KREMEN1: variants seen among roughly 807,000 people sequenced by gnomAD.
KREMEN1 encodes the protein kremen protein 1.
In KREMEN1, 30 loss-of-function variants were observed where a neutral mutation model predicts 46.5. The observed-to-expected ratio is 0.65, with a 90% confidence interval of 0.48 to 0.88. KREMEN1 has a LOEUF of 0.88. Ranked by LOEUF, KREMEN1 falls within the 40% of genes least tolerant of loss-of-function variation. The pLI, the probability that KREMEN1 is intolerant of heterozygous loss-of-function variation, is 0.00. For synonymous variants in KREMEN1, 214 were observed against 230.6 expected (o/e 0.93, Z 0.65); for missense variants, 533 against 596.9 (o/e 0.89, Z 1.11).
chr22:29,151,958 C>T (rs1474252754), intron 9 of KREMEN1, among the ~76,000 whole-genome samples: 2 of 149,028 alleles, frequency 1.3e-5, no homozygotes, highest in African/African-American at 4.9e-5. Context: ...TGCCGTGAGC[C>T]GAGATTGTGC....
intron 9 of KREMEN1, among the ~76,000 whole-genome samples, chr22:29,164,991 G>A (rs1442365825): frequency 6.6e-6 from 1 of 151,808 alleles, no homozygotes; most frequent in Non-Finnish European, 1.5e-5. Context: ...TGGCCAATAT[G>A]GTGAAACCCC....
At chr22:29,089,633 TC>T (rs1464471037) in intron 1 of KREMEN1, among the ~76,000 whole-genome samples, 4 of 152,128 alleles carry the variant, frequency 2.6e-5, no homozygotes, top group Admixed American at 2.6e-4. Context: ...ATTATGTCAT[TC>T]CCCTGCTCTA....
At chr22:29,109,224 A>C (rs200278766) in intron 3 of KREMEN1, among the ~76,000 whole-genome samples, 1 of 152,340 alleles carries the variant, frequency 6.6e-6, no homozygotes, top group East Asian at 1.9e-4. Context: ...TCACAGATAC[A>C]AATGTTCTAA....
At chr22:29,088,926 C>T (rs769796950) in intron 1 of KREMEN1, among the ~76,000 whole-genome samples, 12 of 152,232 alleles carry the variant, frequency 7.9e-5, no homozygotes, top group Non-Finnish European at 1.5e-4. Context: ...CCATACTCTA[C>T]CACATTGTTG....
rs557714232 is a variant in KREMEN1 at position 29,145,662 on chromosome 22, C to A, written c.*3550C>A. On this transcript the variant is annotated 3_prime_UTR_variant, in exon 9 of 9. Transcript: ENST00000400335. ...TCTTCCCCGTTTGTCCAGTTGCTTG[C>A]AAAGCAGAGAATGAGTAGGAGTGAA... 1 of 985,536 alleles carries A rather than the reference C, an allele frequency of 1.0e-6. No homozygotes were observed. Among genetic ancestry groups the A allele is most frequent in the Admixed American group, 6.1e-5 (1 of 16,294 alleles). The allele number at this position is 985,536 out of a possible 1,614,324, so 61.0% of individuals were successfully genotyped here. A position where few individuals can be genotyped will look rare whatever the true frequency, so the allele number is the denominator to read the frequency against.
chr22:29,161,455 T>C (rs550327844), intron 9 of KREMEN1, among the ~76,000 whole-genome samples: 12 of 130,486 alleles, frequency 9.2e-5, no homozygotes, highest in African/African-American at 2.7e-4. Flanking sequence ...TGCAGTGAGC[T>C]GAGATTGCGC....
chr22:29,106,558 A>G (rs2038063580), intron 3 of KREMEN1, among the ~76,000 whole-genome samples: 1 of 152,110 alleles, frequency 6.6e-6, no homozygotes. Context: ...TCCCGCCTCC[A>G]TTTCTCAGAT....
At chr22:29,106,572 A>G (rs2038063753) in intron 3 of KREMEN1, among the ~76,000 whole-genome samples, 1 of 152,128 alleles carries the variant, frequency 6.6e-6, no homozygotes, top group Non-Finnish European at 1.5e-5. Context: ...CTCAGATAAG[A>G]AAATTGAGCC....
intron 1 of KREMEN1, among the ~76,000 whole-genome samples, chr22:29,090,255 C>T (rs942121045): frequency 3.3e-5 from 5 of 152,138 alleles, no homozygotes; most frequent in African/African-American, 4.8e-5. Flanking sequence ...TGGTTTAAGC[C>T]GCTCCTTGCT....
In KREMEN1 at chr22:29,131,523, CATATATAT is replaced by C. The variant is rs148738725; in HGVS notation, c.632-5788_632-5781del. On this transcript the variant is annotated intron_variant, in intron 5 of 8. Coordinates refer to ENST00000400335, the MANE Select transcript of KREMEN1 (RefSeq NM_001039570.3). ...AGCAACAACTGATCTGTATTCTGTT[CATATATAT>C]ATATATATATATATATATATATATA... Among the ~76,000 whole-genome samples the C allele has an allele frequency of 2.7e-3, 253 of 93,732 alleles. 7 individuals are homozygous for C. Among genetic ancestry groups the C allele is most frequent in the South Asian group, 0.017 (51 of 2,964 alleles). The allele number at this position is 93,732 out of a possible 152,430, so 61.5% of individuals were successfully genotyped here.
At chr22:29,163,124 CG>C (rs2039025646) in intron 9 of KREMEN1, among the ~76,000 whole-genome samples, 4 of 151,906 alleles carry the variant, frequency 2.6e-5, no homozygotes, top group African/African-American at 9.7e-5. Flanking sequence ...GAAGGATTAC[CG>C]GGGCAATTCC....
intron 5 of KREMEN1, among the ~76,000 whole-genome samples, chr22:29,128,956 A>G (rs1471421588): frequency 6.6e-6 from 1 of 152,228 alleles, no homozygotes; most frequent in Non-Finnish European, 1.5e-5. Flanking sequence ...AAGTATGCCC[A>G]GTTCTGATTA....
At chr22:29,121,555 A>G in intron 4 of KREMEN1, 74 bp downstream of exon 4, 3 of 1,521,502 alleles carry the variant, frequency 2.0e-6, no homozygotes, top group East Asian at 2.3e-5. Flanking sequence ...TAACTTAAAA[A>G]TAAGTGCTAA....
chr22:29,122,377 A>C (rs1037342615), intron 4 of KREMEN1, among the ~76,000 whole-genome samples: 4 of 152,234 alleles, frequency 2.6e-5, no homozygotes, highest in Non-Finnish European at 5.9e-5. Flanking sequence ...AAAATGCTAC[A>C]GCTTCTTTGA....
At chr22:29,078,144 A>G (rs959689740) in intron 1 of KREMEN1, among the ~76,000 whole-genome samples, 6 of 152,124 alleles carry the variant, frequency 3.9e-5, no homozygotes, top group African/African-American at 1.4e-4. Flanking sequence ...GTGTAGTCCT[A>G]GCTACTCAAG....
chr22:29,125,342 C>T lies in KREMEN1; in HGVS notation c.557C>T (p.Thr186Ile). 1 of 1,614,148 alleles carries T rather than the reference C, an allele frequency of 6.2e-7. No homozygotes were observed. The highest frequency in any genetic ancestry group is 8.5e-7 in the Non-Finnish European group (1 of 1,180,022). Reference protein sequence around the residue: ...DYWKYGEAASTECNSVCFGDH... With the variant: ...DYWKYGEAASIECNSVCFGDH... ...TGGAAGTACGGGGAGGCAGCCAGTACCGAATGCAACAGCGTCTGCTTCGGG... is the reference window on the plus strand; with the variant it reads ...TGGAAGTACGGGGAGGCAGCCAGTATCGAATGCAACAGCGTCTGCTTCGGG... Residue 186 changes from threonine (T) to isoleucine (I), a missense_variant, in exon 5 of 9, where the codon ACC becomes ATC. Coordinates refer to ENST00000400335, the MANE Select transcript of KREMEN1 (RefSeq NM_001039570.3).
intron 6 of KREMEN1, 107 bp from the exon 7 acceptor site, chr22:29,138,517 G>A: frequency 1.7e-6 from 2 of 1,179,708 alleles, no homozygotes; most frequent in Admixed American, 1.7e-5. Context: ...ATTGCACCCA[G>A]AATTGAATCA....
intron 9 of KREMEN1, among the ~76,000 whole-genome samples, chr22:29,159,330 A>C (rs892152943): frequency 2.0e-5 from 3 of 152,064 alleles, no homozygotes; most frequent in Non-Finnish European, 4.4e-5. Flanking sequence ...AAAACAAAAC[A>C]AAACCAAAGG....
Position 29,142,787 on chromosome 22 carries a change from T to G in KREMEN1, c.*675T>G. 1.0e-6 allele frequency: 1 copy of G among 985,468 alleles called. No individual in the cohort carries two copies. Among genetic ancestry groups the G allele is most frequent in the South Asian group, 4.7e-5 (1 of 21,290 alleles). The allele number at this position is 985,468 out of a possible 1,614,324, so 61.0% of individuals were successfully genotyped here. A position where few individuals can be genotyped will look rare whatever the true frequency, so the allele number is the denominator to read the frequency against. ...CAAACCTGATACCTTACACATGGGC[T>G]TCTTTCTAGATTCTTCTTTCCATAG... On this transcript the variant is annotated 3_prime_UTR_variant, in exon 9 of 9. Coordinates refer to ENST00000400335, the MANE Select transcript of KREMEN1 (RefSeq NM_001039570.3).
Sources: gnomAD v4.1 joint callset for allele counts (sites outside exome capture counted in the v4.1 genomes callset) on GRCh38, gnomAD v4.1.1 for gene constraint, MANE v1.5 for transcripts, NCBI Gene and HGNC (gene_info 2026-07-23, HGNC 2026-07-21) for gene names.